ZNF674: variants seen among roughly 807,000 people sequenced by gnomAD.
ZNF674 encodes the protein zinc finger family member 674.
Under a neutral mutation model 7.0 loss-of-function variants are expected in ZNF674, and 2 were observed. The ratio of observed to expected loss-of-function variants is 0.29; its 90% CI spans 0.12 to 0.90. The LOEUF (loss-of-function observed/expected upper bound fraction) is 0.90, where lower values mean the gene tolerates loss of function less well. Ranked by LOEUF, ZNF674 falls within the 40% of genes least tolerant of loss-of-function variation. The probability of loss-of-function intolerance (pLI) is 0.57; values close to 1 mark genes in which losing one functional copy is unlikely to be tolerated. For synonymous variants in ZNF674, 103 were observed against 145.2 expected (o/e 0.71, Z 2.09); for missense variants, 297 against 415.5 (o/e 0.71, Z 2.48).
At chrX:46,502,874 C>G (rs57541164) in intron 5 of ZNF674, among the ~76,000 whole-genome samples, 4,096 of 112,311 alleles carry the variant, frequency 0.036, 195 homozygotes, top group African/African-American at 0.12. Flanking sequence ...TGTAATAAAT[C>G]TTACCCATGA....
At chrX:46,519,265 A>G (rs12849043) in intron 5 of ZNF674, among the ~76,000 whole-genome samples, 27 of 45,740 alleles carry the variant, frequency 5.9e-4, no homozygotes, top group Middle Eastern at 0.013. Context: ...TAGATAGATA[A>G]AGATAGATGA....
At chrX:46,527,458 C>T (rs373386190) in intron 5 of ZNF674, among the ~76,000 whole-genome samples, 1 of 110,976 alleles carries the variant, frequency 9.0e-6, no homozygotes, top group Non-Finnish European at 1.9e-5. Flanking sequence ...AGGACTAACA[C>T]TAACAATACC....
Position 46,500,373 on chromosome X carries a change from T to C in ZNF674, c.1201A>G (p.Ile401Val), listed in dbSNP as rs1463443214. ...GKSHLSVHQR[I>V]HTGEKPYECS... ...TCATAGGGTTTCTCTCCTGTATGAA[T>C]TCTCTGATGAACAGAGAGGTGTGAC... Residue 401 changes from isoleucine (I) to valine (V), a missense_variant, in exon 6 of 6, where the codon ATT becomes GTT. Transcript: ENST00000683375. 1 of 1,209,406 alleles carries C rather than the reference T, an allele frequency of 8.3e-7. No individual in the cohort carries two copies. The highest frequency in any genetic ancestry group is 2.2e-5 in the Admixed American group (1 of 45,770).
chrX:46,528,675 A>C, intron 4 of ZNF674, 108 bp downstream of exon 4: 4 of 1,148,404 alleles, frequency 3.5e-6, no homozygotes, highest in Non-Finnish European at 2.3e-6. Context: ...AAACTCACTG[A>C]GGGTGGTAAC....
Position 46,500,652 on chromosome X carries a change from A to G in ZNF674, c.922T>C (p.Cys308Arg), listed in dbSNP as rs752919527. 2 of 1,210,318 alleles carry G rather than the reference A, an allele frequency of 1.7e-6. No individual in the cohort carries two copies. The highest frequency in any genetic ancestry group is 2.2e-5 in the Admixed American group (1 of 45,820). The stretch of plus-strand genomic sequence containing the variant: ...TATGAACTCTTAAAGGCTTTTGGAC[A>G]TTTGTCACATACAAATGGTTTCTCT... ...TGEKPFVCDK[C>R]PKAFKSSYHL... Residue 308 changes from cysteine (C) to arginine (R), a missense_variant, in exon 6 of 6, where the codon TGT (cysteine) becomes CGT (arginine). Coordinates refer to ENST00000683375, the MANE Select transcript of ZNF674 (RefSeq NM_001190417.2).
At chrX:46,541,357 G>A (rs1354851814) in intron 3 of ZNF674, among the ~76,000 whole-genome samples, 1 of 79,305 alleles carries the variant, frequency 1.3e-5, no homozygotes, top group African/African-American at 4.7e-5. Flanking sequence ...GTGAAACTCC[G>A]TCACAAAAAA....
intron 1 of ZNF674, among the ~76,000 whole-genome samples, 196 bp downstream of exon 1, chrX:46,545,175 T>G (rs1245071196): frequency 9.0e-6 from 1 of 110,676 alleles, no homozygotes; most frequent in African/African-American, 3.3e-5. Context: ...ATACAAGCGC[T>G]GAGTGACTCA....
chrX:46,506,415 GA>G (rs34632622), intron 5 of ZNF674, among the ~76,000 whole-genome samples: 1,415 of 90,346 alleles, frequency 0.016, 10 homozygotes, highest in African/African-American at 0.023. Flanking sequence ...CTTTGCATGG[GA>G]AAAAAAAAAA....
chrX:46,534,840 G>C (rs1247117777), intron 3 of ZNF674, among the ~76,000 whole-genome samples: 1 of 105,578 alleles, frequency 9.5e-6, no homozygotes, highest in Non-Finnish European at 1.9e-5. Context: ...TCCTGGGTTC[G>C]AGTGATTTTC....
chrX:46,504,733 T>C (rs953098003), intron 5 of ZNF674, among the ~76,000 whole-genome samples: 8 of 111,081 alleles, frequency 7.2e-5, no homozygotes, highest in African/African-American at 2.6e-4. Context: ...AGCAAAAGTA[T>C]AAAAACATAG....
At chrX:46,520,795 A>C (rs1308125311) in intron 5 of ZNF674, among the ~76,000 whole-genome samples, 2 of 112,099 alleles carry the variant, frequency 1.8e-5, no homozygotes, top group African/African-American at 6.5e-5. Context: ...TTGTCAGTTG[A>C]GATTAAACAC....
rs1287662998 is a variant in ZNF674, at chrX:46,502,840, A to G, written c.239-1505T>C. On this transcript the variant is annotated intron_variant, in intron 5 of 5. Transcript: ENST00000683375. ...CCTGTGCCTTTTTCCCTTATAATCC[A>G]GTTGTTTATCATTACTACATCACTG... is the stretch of plus-strand genomic sequence containing the variant. Among the ~76,000 whole-genome samples the G allele has an allele frequency of 2.7e-5, 3 of 112,326 alleles. No homozygotes were observed. The East Asian group carries it at 8.3e-4, about 31-fold the overall frequency.
rs760502080 is a variant in ZNF674, at chrX:46,530,069, GC to G, written c.16-1161del. Among the ~76,000 whole-genome samples, 847 of 111,836 alleles carry G rather than the reference GC, an allele frequency of 7.6e-3. 6 individuals carry two copies. Among genetic ancestry groups the G allele is most frequent in the African/African-American group, 0.026 (807 of 30,780 alleles). On this transcript the variant is annotated intron_variant, in intron 3 of 5. Transcript: ENST00000683375. Reference sequence around the variant, plus strand: ...CAAACAAGAACTCACTTCTACAAGTGCCCCCAATTCCTTGCAAAGACTAATA... The same window carrying G: ...CAAACAAGAACTCACTTCTACAAGTGCCCCAATTCCTTGCAAAGACTAATA...
At chrX:46,505,089 C>T (rs1250012530) in intron 5 of ZNF674, among the ~76,000 whole-genome samples, 1 of 109,945 alleles carries the variant, frequency 9.1e-6, no homozygotes, top group African/African-American at 3.3e-5. Context: ...GGGGTTTCAC[C>T]GTTTTGGTCA....
At chrX:46,529,661 TC>T (rs1340676033) in intron 3 of ZNF674, 2 of 85,948 alleles carry the variant, frequency 2.3e-5, no homozygotes, top group African/African-American at 4.3e-5. Flanking sequence ...AGGGCGAGAC[TC>T]CATCTCAAAA....
chrX:46,506,119 A>G (rs1488258331), intron 5 of ZNF674, among the ~76,000 whole-genome samples: 1 of 112,397 alleles, frequency 8.9e-6, no homozygotes, highest in African/African-American at 3.2e-5. Context: ...CTTTAGAAGG[A>G]CCTGCTCACA....
In ZNF674 at chrX:46,542,092, TTG is replaced by T; in HGVS notation, c.-7_-6del. The T allele has an allele frequency of 1.7e-6, 2 of 1,202,400 alleles. No homozygotes were observed. The highest frequency in any genetic ancestry group is 2.3e-6 in the Non-Finnish European group (2 of 888,123). ...ACTCACCTGGGACATGGCCATCTTG[TTG>T]TGCTCCTGCAAAGGATGGAGATCTA... is the stretch of plus-strand genomic sequence containing the variant. On this transcript the variant is annotated 5_prime_UTR_variant, in exon 3 of 6. Transcript: ENST00000683375.
chrX:46,510,145 G>A (rs772262407), intron 5 of ZNF674, among the ~76,000 whole-genome samples: 4 of 69,457 alleles, frequency 5.8e-5, no homozygotes, highest in Non-Finnish European at 1.0e-4. Context: ...GTTGTGGGGT[G>A]GGGGGAGGGG....
rs1000742592 is a variant in ZNF674, at chrX:46,536,418, T to C, written c.15+5655A>G. ...CATCCTGGCCAACATGGTGAAACCC[T>C]GTCTCTACTAAGAATACAAAAATTA... On this transcript the variant is annotated intron_variant, in intron 3 of 5. Coordinates refer to ENST00000683375, the MANE Select transcript of ZNF674 (RefSeq NM_001190417.2). Among the ~76,000 whole-genome samples, 3 of 110,651 alleles carry C rather than the reference T, an allele frequency of 2.7e-5. No homozygotes were observed. The Admixed American group carries it at 2.9e-4, about 11-fold the overall frequency.
Sources: allele counts gnomAD v4.1 joint callset (sites outside exome capture counted in the v4.1 genomes callset), GRCh38; gene constraint gnomAD v4.1.1; transcripts MANE v1.5; gene names NCBI Gene and HGNC (gene_info 2026-07-23, HGNC 2026-07-21).